The following ASIC2 variants were observed in gnomAD, a reference collection of about 807,000 sequenced individuals.
ASIC2 encodes the protein acid sensing ion channel subunit 2, also known as acid-sensing ion channel 2.
Under a neutral mutation model 57.3 loss-of-function variants are expected in ASIC2, and 25 were observed. The ratio of observed to expected loss-of-function variants is 0.44; its 90% confidence interval spans 0.32 to 0.61. ASIC2 has a LOEUF of 0.61. Among genes scored for constraint, ASIC2 ranks in the 20% least tolerant of loss-of-function variants. The probability of loss-of-function intolerance (pLI) is 0.06; values close to 1 mark genes in which losing one functional copy is unlikely to be tolerated. For synonymous variants in ASIC2, 319 were observed against 307.5 expected, an observed-to-expected ratio of 1.04 and a Z score of -0.39; for missense variants, 641 against 738.1, an observed-to-expected ratio of 0.87 and a Z score of 1.52.
chr17:33,989,857 G>A (rs886523154), intron 1 of ASIC2, among the ~76,000 whole-genome samples: 1 of 152,180 alleles, frequency 6.6e-6, no homozygotes, highest in African/African-American at 2.4e-5. Context: ...GAGACCTGGA[G>A]ACCAATGAGT....
intron 1 of ASIC2, among the ~76,000 whole-genome samples, chr17:33,536,457 A>T (rs147793090): frequency 9.8e-5 from 15 of 152,334 alleles, no homozygotes; most frequent in African/African-American, 3.4e-4. Context: ...TGCACTATGG[A>T]AATTGACAAA....
At chr17:33,057,477 C>A (rs112379353) in intron 3 of ASIC2, among the ~76,000 whole-genome samples, 2,400 of 152,276 alleles carry the variant, frequency 0.016, 52 homozygotes, top group African/African-American at 0.053. Flanking sequence ...GGAGGTGGAC[C>A]TGAACATGAT....
intron 1 of ASIC2, among the ~76,000 whole-genome samples, chr17:33,216,479 C>A (rs763859432): frequency 6.6e-6 from 1 of 152,072 alleles, no homozygotes; most frequent in East Asian, 1.9e-4. Context: ...TGTGCTGAAG[C>A]GGACTTAGAA....
intron 1 of ASIC2, among the ~76,000 whole-genome samples, chr17:33,384,978 A>AGAC (rs1849533245): frequency 6.6e-6 from 1 of 152,238 alleles, no homozygotes; most frequent in African/African-American, 2.4e-5. Flanking sequence ...AAAGTCAGAC[A>AGAC]GACATAGGTC....
chr17:33,172,092 G>T (rs1381733257), intron 1 of ASIC2, among the ~76,000 whole-genome samples: 2 of 152,344 alleles, frequency 1.3e-5, no homozygotes, highest in East Asian at 3.9e-4. Flanking sequence ...TGAATGATAG[G>T]AAGGAGCAGT....
chr17:33,614,598 G>C (rs1224841809), intron 1 of ASIC2, among the ~76,000 whole-genome samples: 1 of 152,126 alleles, frequency 6.6e-6, no homozygotes, highest in African/African-American at 2.4e-5. Flanking sequence ...AAACTTATCT[G>C]CTATATTTTT....
intron 1 of ASIC2, among the ~76,000 whole-genome samples, chr17:33,667,385 C>T (rs898880536): frequency 7.2e-5 from 11 of 152,198 alleles, no homozygotes; most frequent in African/African-American, 9.6e-5. Context: ...ACCCACACAA[C>T]GGAAGTGCAT....
chr17:33,978,231 G>A (rs1392464534), intron 1 of ASIC2, among the ~76,000 whole-genome samples: 1 of 152,218 alleles, frequency 6.6e-6, no homozygotes, highest in East Asian at 1.9e-4. Context: ...GCTGCTAGAA[G>A]CCTCATTTGC....
chr17:33,667,851 A>G (rs774883800), intron 1 of ASIC2, among the ~76,000 whole-genome samples: 6 of 152,204 alleles, frequency 3.9e-5, no homozygotes, highest in Non-Finnish European at 4.4e-5. Context: ...TGACAGATTT[A>G]TTTAGTCACT....
chr17:33,908,862 T>C (rs1567753164), intron 1 of ASIC2, among the ~76,000 whole-genome samples: 2 of 152,192 alleles, frequency 1.3e-5, no homozygotes, highest in Non-Finnish European at 2.9e-5. Flanking sequence ...AGGTCTTCAA[T>C]TAATACTTAT....
At chr17:33,690,493 T>G (rs1303289997) in intron 1 of ASIC2, among the ~76,000 whole-genome samples, 1 of 152,090 alleles carries the variant, frequency 6.6e-6, no homozygotes, top group Non-Finnish European at 1.5e-5. Context: ...TTGTAAGAAG[T>G]GTTCCCAAGA....
intron 1 of ASIC2, among the ~76,000 whole-genome samples, chr17:34,103,290 C>T (rs575724510): frequency 2.0e-5 from 3 of 152,046 alleles, no homozygotes; most frequent in African/African-American, 7.2e-5. Context: ...GGACCACAGG[C>T]ATGTGCCACA....
At chr17:33,184,979 C>T (rs1382946977) in intron 1 of ASIC2, among the ~76,000 whole-genome samples, 1 of 152,202 alleles carries the variant, frequency 6.6e-6, no homozygotes, top group African/African-American at 2.4e-5. Flanking sequence ...TCAACCCTAT[C>T]ACTCCTTTGA....
intron 1 of ASIC2, among the ~76,000 whole-genome samples, chr17:33,283,551 CA>C (rs1410570141): frequency 2.0e-5 from 3 of 152,206 alleles, no homozygotes; most frequent in African/African-American, 4.8e-5. Context: ...AAAGTACTCA[CA>C]AGCCCATCAC....
chr17:33,406,480 C>G (rs780602487), intron 1 of ASIC2, among the ~76,000 whole-genome samples: 65 of 152,190 alleles, frequency 4.3e-4, no homozygotes, highest in Admixed American at 1.3e-4. Flanking sequence ...ACGCAGAACA[C>G]AGAACACAGC....
chr17:33,864,186 C>G (rs912071792), intron 1 of ASIC2, among the ~76,000 whole-genome samples: 13 of 152,096 alleles, frequency 8.5e-5, no homozygotes, highest in African/African-American at 3.1e-4. Context: ...GGATTATAGG[C>G]GTGAGCCACC....
intron 1 of ASIC2, among the ~76,000 whole-genome samples, chr17:33,332,417 C>T (rs1193639827): frequency 2.0e-5 from 3 of 152,154 alleles, no homozygotes; most frequent in South Asian, 4.1e-4. Context: ...GGACCCTTTA[C>T]ATTTTTATTT....
At chr17:33,489,439 A>G (rs1416493603) in intron 1 of ASIC2, among the ~76,000 whole-genome samples, 1 of 152,172 alleles carries the variant, frequency 6.6e-6, no homozygotes, top group Non-Finnish European at 1.5e-5. Flanking sequence ...TCGCAGCCAG[A>G]ATGGAACTGG....
chr17:33,795,947 T>G (rs957907607), intron 1 of ASIC2, among the ~76,000 whole-genome samples: 1 of 152,218 alleles, frequency 6.6e-6, no homozygotes, highest in African/African-American at 2.4e-5. Context: ...CAGAAATTCA[T>G]GAATACTTGT....
Sources: gnomAD v4.1 joint callset for allele counts (sites outside exome capture counted in the v4.1 genomes callset) on GRCh38, gnomAD v4.1.1 for gene constraint, MANE v1.5 for transcripts, NCBI Gene and HGNC (gene_info 2026-07-23, HGNC 2026-07-21) for gene names.